Variants in SLC2A13 observed in about 807,000 individuals in gnomAD.
SLC2A13 encodes proton myo-inositol cotransporter.
In SLC2A13, 32 loss-of-function variants were observed where a neutral mutation model predicts 64.4. The observed-to-expected ratio is 0.50, with a 90% CI of 0.37 to 0.67. The LOEUF is 0.67. Ranked by LOEUF, SLC2A13 falls within the 30% of genes least tolerant of loss-of-function variation. The pLI, the probability that SLC2A13 is intolerant of heterozygous loss-of-function variation, is 0.00. For missense variants in SLC2A13, 743 were observed against 829.2 expected (o/e 0.90, Z 1.28); for synonymous variants, 338 against 327.1 (o/e 1.03, Z -0.36).
intron 3 of SLC2A13, among the ~76,000 whole-genome samples, chr12:39,957,836 A>G (rs1946343275): frequency 6.6e-6 from 1 of 151,980 alleles, no homozygotes; most frequent in Non-Finnish European, 1.5e-5. Flanking sequence ...GCTTCCCATG[A>G]GCCTACTCCA....
intron 7 of SLC2A13, among the ~76,000 whole-genome samples, chr12:39,765,315 A>G (rs764770370): frequency 7.2e-5 from 11 of 152,022 alleles, no homozygotes; most frequent in Non-Finnish European, 1.2e-4. Flanking sequence ...GGGGTGGATG[A>G]GGGAAACAAA....
chr12:39,910,698 A>C (rs1162755421), intron 4 of SLC2A13, among the ~76,000 whole-genome samples: 1 of 152,098 alleles, frequency 6.6e-6, no homozygotes, highest in Non-Finnish European at 1.5e-5. Flanking sequence ...AGCATTCCCT[A>C]CTACAACCAG....
chr12:39,927,020 T>C lies in SLC2A13; in HGVS notation c.1034+24237A>G, dbSNP rs1592289679. On this transcript the variant is annotated intron_variant, in intron 4 of 9. Transcript: ENST00000280871. ...GCTGGACAATTGATAAAGCAATCCA[T>C]CAATGTATCATATAATTTATAGTAC... Among the ~76,000 whole-genome samples, 7 of 152,340 alleles carry C rather than the reference T, an allele frequency of 4.6e-5. 1 individual carries two copies. Among genetic ancestry groups the C allele is most frequent in the Admixed American group, 4.6e-4 (7 of 15,294 alleles).
At chr12:40,060,495 GT>G (rs749477640) in intron 1 of SLC2A13, among the ~76,000 whole-genome samples, 3 of 151,986 alleles carry the variant, frequency 2.0e-5, no homozygotes, top group African/African-American at 4.8e-5. Flanking sequence ...ACACTGGGTT[GT>G]TTTTTTGCTT....
At chr12:40,038,774 G>GAAAGGT (rs1555156099) in intron 2 of SLC2A13, among the ~76,000 whole-genome samples, 4 of 150,306 alleles carry the variant, frequency 2.7e-5, no homozygotes, top group Admixed American at 1.3e-4. Flanking sequence ...AAGGGAAGGG[G>GAAAGGT]AAAGGGAAAG....
At chr12:40,097,802 A>T (rs575145679) in intron 1 of SLC2A13, among the ~76,000 whole-genome samples, 95 of 152,268 alleles carry the variant, frequency 6.2e-4, no homozygotes, top group Middle Eastern at 3.4e-3. Flanking sequence ...GCCACTATGG[A>T]AAATGGGATA....
chr12:40,033,894 A>C (rs1947940053), intron 2 of SLC2A13, among the ~76,000 whole-genome samples: 1 of 152,206 alleles, frequency 6.6e-6, no homozygotes, highest in Non-Finnish European at 1.5e-5. Flanking sequence ...CAATCTCTGC[A>C]TCCCAAAGGT....
At chr12:39,871,986 T>C (rs753896669) in intron 4 of SLC2A13, 25 bp from the exon 5 acceptor site, 1 of 1,523,534 alleles carries the variant, frequency 6.6e-7, no homozygotes, top group South Asian at 1.3e-5. Flanking sequence ...ATAAAACAAT[T>C]GCTATTGATA....
intron 7 of SLC2A13, among the ~76,000 whole-genome samples, chr12:39,777,579 A>T (rs927453074): frequency 6.6e-6 from 1 of 152,064 alleles, no homozygotes; most frequent in African/African-American, 2.4e-5. Flanking sequence ...ACTTCCCAAG[A>T]CCACCCTGGC....
chr12:40,075,167 C>G (rs1374768090), intron 1 of SLC2A13, among the ~76,000 whole-genome samples: 1 of 152,126 alleles, frequency 6.6e-6, no homozygotes, highest in African/African-American at 2.4e-5. Context: ...ACTGTGAAAA[C>G]CTGGTAGAGC....
intron 7 of SLC2A13, among the ~76,000 whole-genome samples, chr12:39,801,459 G>C (rs1354912667): frequency 6.6e-6 from 1 of 152,012 alleles, no homozygotes; most frequent in Admixed American, 6.6e-5. Context: ...ATGACAATCT[G>C]CTTGAGAGGG....
At chr12:39,816,646 G>A (rs1942350073) in intron 7 of SLC2A13, among the ~76,000 whole-genome samples, 1 of 141,044 alleles carries the variant, frequency 7.1e-6, no homozygotes, top group South Asian at 2.2e-4. Context: ...AGCTGGACAT[G>A]GCTGTATTTT....
At chr12:40,032,951 T>C (rs1381577348) in intron 2 of SLC2A13, among the ~76,000 whole-genome samples, 1 of 152,166 alleles carries the variant, frequency 6.6e-6, no homozygotes, top group Non-Finnish European at 1.5e-5. Flanking sequence ...GAATGCACAA[T>C]CTCAGCATAG....
At chr12:39,815,015 T>C (rs1942302131) in intron 7 of SLC2A13, among the ~76,000 whole-genome samples, 1 of 152,136 alleles carries the variant, frequency 6.6e-6, no homozygotes. Flanking sequence ...TGATCTTAGA[T>C]GGTAAGCAAG....
intron 4 of SLC2A13, among the ~76,000 whole-genome samples, chr12:39,896,534 A>G: frequency 7.1e-6 from 1 of 141,108 alleles, no homozygotes; most frequent in African/African-American, 2.8e-5. Context: ...GTATACATGT[A>G]TGTATGTATG....
chr12:39,843,537 T>C (rs983534773), intron 6 of SLC2A13, among the ~76,000 whole-genome samples: 2 of 152,104 alleles, frequency 1.3e-5, no homozygotes, highest in Admixed American at 1.3e-4. Context: ...TCAAGGTAGA[T>C]AGAGAATTAT....
At chr12:39,794,141 A>C (rs916319309) in intron 7 of SLC2A13, among the ~76,000 whole-genome samples, 7 of 151,386 alleles carry the variant, frequency 4.6e-5, no homozygotes, top group Non-Finnish European at 1.0e-4. Context: ...AAAAAAAAAA[A>C]AAAAAAAACC....
chr12:39,905,270 A>T (rs908231604), intron 4 of SLC2A13, among the ~76,000 whole-genome samples: 3 of 152,118 alleles, frequency 2.0e-5, no homozygotes, highest in African/African-American at 7.2e-5. Context: ...TGCATTCATC[A>T]TCTCTGTCTT....
At chr12:39,931,465 G>A (rs967646885) in intron 4 of SLC2A13, among the ~76,000 whole-genome samples, 1 of 152,170 alleles carries the variant, frequency 6.6e-6, no homozygotes, top group African/African-American at 2.4e-5. Flanking sequence ...GAGACACGTG[G>A]GCCTCCTGAG....
Sources: allele counts gnomAD v4.1 joint callset (sites outside exome capture counted in the v4.1 genomes callset), GRCh38; gene constraint gnomAD v4.1.1; transcripts MANE v1.5; gene names NCBI Gene and HGNC (gene_info 2026-07-23, HGNC 2026-07-21).